Variants in REV3L observed in about 807,000 individuals in gnomAD.
The protein encoded by REV3L is DNA polymerase zeta catalytic subunit.
REV3L carries 69 observed loss-of-function variants against 299.4 expected under a neutral mutation model. The ratio of observed to expected loss-of-function variants is 0.23; its 90% CI spans 0.19 to 0.28. REV3L has a LOEUF of 0.28. REV3L is among the 10% of genes least tolerant of loss of function. The pLI, the probability that REV3L is intolerant of heterozygous loss-of-function variation, is 1.00. For synonymous variants in REV3L, 1,238 were observed against 1,271.4 expected, an observed-to-expected ratio of 0.97 and a Z score of 0.56; for missense variants, 3,128 against 3,693.8, an observed-to-expected ratio of 0.85 and a Z score of 3.97.
intron 31 of REV3L, among the ~76,000 whole-genome samples, chr6:111,303,157 T>TTTTC (rs1414742198): frequency 0.017 from 1,545 of 92,740 alleles, 210 homozygotes; most frequent in South Asian, 0.027. Flanking sequence ...TGAGGCTTTC[T>TTTTC]TTTCTTTCTT....
intron 1 of REV3L, among the ~76,000 whole-genome samples, chr6:111,470,942 T>C (rs1224273747): frequency 3.3e-5 from 5 of 150,356 alleles, no homozygotes; most frequent in Non-Finnish European, 7.4e-5. Context: ...ATTGTGCCAC[T>C]ACACTCCAGC....
intron 1 of REV3L, among the ~76,000 whole-genome samples, chr6:111,421,907 T>A (rs535600901): frequency 1.2e-4 from 18 of 152,348 alleles, no homozygotes. Context: ...AGTCTTTCTT[T>A]GCTTCTGTCT....
At chr6:111,430,188 A>G (rs1786721129) in intron 1 of REV3L, 7 of 803,990 alleles carry the variant, frequency 8.7e-6, no homozygotes, top group Admixed American at 1.7e-5. Context: ...GAAGCCTCTC[A>G]CAAGCACTTT....
At chr6:111,315,729 TGATCAGTGGCAGATCAGTCA>T (rs977432886) in intron 26 of REV3L, 34 of 220,498 alleles carry the variant, frequency 1.5e-4, no homozygotes, top group Admixed American at 1.5e-3. Context: ...AGTCAGTCTG[TGATCAGTGGCAGATCAGTCA>T]GATCAGTGGC....
intron 30 of REV3L, among the ~76,000 whole-genome samples, chr6:111,308,989 G>A (rs990908588): frequency 7.9e-5 from 12 of 152,220 alleles, no homozygotes; most frequent in African/African-American, 1.9e-4. Flanking sequence ...ACAATGGCTC[G>A]CTTCTTCAGT....
chr6:111,437,861 A>T (rs1787766443), intron 1 of REV3L, among the ~76,000 whole-genome samples: 1 of 149,778 alleles, frequency 6.7e-6, no homozygotes, highest in South Asian at 2.1e-4. Context: ...AACTTACATA[A>T]TTTTTTTTTT....
chr6:111,341,039 CTTTT>C (rs5879104), intron 21 of REV3L, among the ~76,000 whole-genome samples: 1 of 131,896 alleles, frequency 7.6e-6, no homozygotes, highest in Non-Finnish European at 1.6e-5. Context: ...TTCTCCTCAG[CTTTT>C]TTTTTTTTTT....
intron 1 of REV3L, chr6:111,431,492 A>T: frequency 1.0e-6 from 1 of 976,584 alleles, no homozygotes; most frequent in East Asian, 2.4e-5. Context: ...TCAGGGAGCT[A>T]GCTCCAGGAA....
At chr6:111,308,094 G>A (rs1414875673) in intron 30 of REV3L, 2 of 317,392 alleles carry the variant, frequency 6.3e-6, no homozygotes, top group Non-Finnish European at 1.2e-5. Context: ...CTTCATCCAT[G>A]TCCCTGCAAA....
chr6:111,422,593 TAC>T (rs71021840), intron 1 of REV3L, among the ~76,000 whole-genome samples: 1,503 of 31,740 alleles, frequency 0.047, 246 homozygotes, highest in South Asian at 0.086. Flanking sequence ...TATATATATA[TAC>T]ACATATATAT....
intron 20 of REV3L, among the ~76,000 whole-genome samples, chr6:111,346,403 G>A (rs1777029243): frequency 6.6e-6 from 1 of 152,098 alleles, no homozygotes; most frequent in Non-Finnish European, 1.5e-5. Context: ...AGTCCATAAG[G>A]AAACTGCAGG....
intron 9 of REV3L, among the ~76,000 whole-genome samples, chr6:111,386,324 A>G (rs1198591994): frequency 6.6e-6 from 1 of 152,256 alleles, no homozygotes; most frequent in African/African-American, 2.4e-5. Context: ...GATAAATTTC[A>G]AAGTTATAAT....
At chr6:111,414,723 C>T (rs1784578337) in intron 2 of REV3L, among the ~76,000 whole-genome samples, 1 of 152,074 alleles carries the variant, frequency 6.6e-6, no homozygotes, top group African/African-American at 2.4e-5. Context: ...CTACCTCTAC[C>T]TTCCGTCTTC....
intron 1 of REV3L, among the ~76,000 whole-genome samples, chr6:111,423,183 T>C (rs188040500): frequency 1.6e-3 from 244 of 152,322 alleles, no homozygotes; most frequent in African/African-American, 5.4e-3. Flanking sequence ...ACTAACTTTA[T>C]AGTCTACTTG....
chr6:111,440,802 ATGTT>A (rs201710029), intron 1 of REV3L, among the ~76,000 whole-genome samples: 2,096 of 152,270 alleles, frequency 0.014, 14 homozygotes, highest in Middle Eastern at 0.021. Flanking sequence ...GATTCCCTCA[ATGTT>A]TATTTGTCTG....
chr6:111,346,003 C>G (rs1247015409), intron 20 of REV3L, among the ~76,000 whole-genome samples: 1 of 152,184 alleles, frequency 6.6e-6, no homozygotes. Context: ...CTCCACAATT[C>G]TGTTTTAGCT....
chr6:111,375,804 C>T lies in REV3L; in HGVS notation c.2551G>A (p.Gly851Arg), dbSNP rs891349588. 2.1e-5 allele frequency: 34 copies of T among 1,613,284 alleles called. No individual in the cohort carries two copies. The highest frequency in any genetic ancestry group is 2.6e-5 in the Non-Finnish European group (31 of 1,179,718). ...TGTATAAAATTATCTTTTGTGGATC[C>T]AGTCTCACTACTTTTGGTAGAAGTC... is the stretch of plus-strand genomic sequence containing the variant. ...QETSTKSSET[G>R]STKDNFIQNN... Residue 851 changes from glycine to arginine, a missense_variant, in exon 13 of 32, where the codon GGA becomes AGA. Physicochemically the swap from Gly to Arg is moderately radical, Grantham distance 125. Transcript: ENST00000368802.
intron 28 of REV3L, 128 bp downstream of exon 28, chr6:111,313,224 C>A: frequency 2.6e-6 from 2 of 774,030 alleles, no homozygotes; most frequent in Non-Finnish European, 3.8e-6. Flanking sequence ...GTAGTTACTC[C>A]TATAGTTATA....
At chr6:111,408,701 T>G (rs1052957227) in intron 3 of REV3L, among the ~76,000 whole-genome samples, 2 of 152,240 alleles carry the variant, frequency 1.3e-5, no homozygotes. Flanking sequence ...GGTTTATATC[T>G]ACTGATATTT....
Sources: gnomAD v4.1 joint callset for allele counts (sites outside exome capture counted in the v4.1 genomes callset) on GRCh38, gnomAD v4.1.1 for gene constraint, MANE v1.5 for transcripts, NCBI Gene and HGNC (gene_info 2026-07-23, HGNC 2026-07-21) for gene names.